GABRB1: variants seen among roughly 807,000 people sequenced by gnomAD.
GABRB1 encodes the protein gamma-aminobutyric acid receptor subunit beta-1.
GABRB1 carries 17 observed loss-of-function variants against 51.6 expected under a neutral mutation model. The observed-to-expected ratio is 0.33, with a 90% CI of 0.23 to 0.49. The LOEUF is 0.49. GABRB1 is among the 20% of genes least tolerant of loss of function. The pLI is 0.99. For missense variants in GABRB1, 410 were observed against 600.6 expected (o/e 0.68, Z 3.32); for synonymous variants, 247 against 218.9 (o/e 1.13, Z -1.14).
Position 47,217,207 on chromosome 4 carries a change from A to C in GABRB1, c.461+55738A>C, listed in dbSNP as rs541832085. 3.8e-4 allele frequency among the ~76,000 whole-genome samples: 58 copies of C among 152,034 alleles called. No homozygotes were observed. In the South Asian group the frequency reaches 5.6e-3, roughly 15 times the overall value. On this transcript the variant is annotated intron_variant, in intron 4 of 8. Transcript: ENST00000295454. Reference sequence around the variant, plus strand: ...AGCCACCAGTTCCAGAAATGGAAGAATAGCAATGTGATCTAGGTAGGCAGG... The same window carrying C: ...AGCCACCAGTTCCAGAAATGGAAGACTAGCAATGTGATCTAGGTAGGCAGG...
intron 1 of GABRB1, among the ~76,000 whole-genome samples, chr4:47,023,325 G>A (rs763425450): frequency 5.3e-5 from 8 of 152,050 alleles, no homozygotes; most frequent in South Asian, 2.1e-4. Context: ...CTTAAAGAGT[G>A]TTATTGGGCT....
At chr4:47,275,748 C>T (rs1332496898) in intron 4 of GABRB1, among the ~76,000 whole-genome samples, 1 of 152,090 alleles carries the variant, frequency 6.6e-6, no homozygotes. Flanking sequence ...ATTTGCCAGC[C>T]TCCCAGAATC....
chr4:47,064,285 T>C (rs1726963662), intron 3 of GABRB1, among the ~76,000 whole-genome samples: 1 of 152,152 alleles, frequency 6.6e-6, no homozygotes, highest in Non-Finnish European at 1.5e-5. Context: ...TCTTGCCTAT[T>C]TTAACTAAAG....
intron 3 of GABRB1, among the ~76,000 whole-genome samples, chr4:47,074,995 C>T (rs1263081851): frequency 6.6e-6 from 1 of 152,128 alleles, no homozygotes; most frequent in Non-Finnish European, 1.5e-5. Flanking sequence ...GGAAGAGCTG[C>T]TTTTAGAGCA....
intron 4 of GABRB1, among the ~76,000 whole-genome samples, chr4:47,264,003 G>A (rs1714672815): frequency 6.6e-6 from 1 of 151,870 alleles, no homozygotes; most frequent in South Asian, 2.1e-4. Flanking sequence ...TCAGCCAGGT[G>A]TAGTGATACA....
chr4:47,137,614 C>T lies in GABRB1; in HGVS notation c.241-23635C>T, dbSNP rs541828258. Among the ~76,000 whole-genome samples, 7 of 152,190 alleles carry T rather than the reference C, an allele frequency of 4.6e-5. No homozygotes were observed. In the East Asian group the frequency reaches 1.2e-3, roughly 25 times the overall value. On this transcript the variant is annotated intron_variant, in intron 3 of 8. Transcript: ENST00000295454. ...TTCTCATCTACAATTACACAAAATT[C>T]ATTGCTGATAATGAGCAACCACAAC...
At chr4:47,371,304 A>G (rs1727185009) in intron 5 of GABRB1, among the ~76,000 whole-genome samples, 1 of 152,144 alleles carries the variant, frequency 6.6e-6, no homozygotes, top group African/African-American at 2.4e-5. Context: ...TCCATGGTGT[A>G]TATGTACCAC....
intron 1 of GABRB1, among the ~76,000 whole-genome samples, chr4:47,013,833 G>T (rs932125852): frequency 2.0e-5 from 3 of 152,146 alleles, no homozygotes; most frequent in Non-Finnish European, 1.5e-5. Flanking sequence ...AGAAGGAAGA[G>T]AACAAATTTA....
At chr4:47,077,302 TC>T in intron 3 of GABRB1, among the ~76,000 whole-genome samples, 1 of 152,332 alleles carries the variant, frequency 6.6e-6, no homozygotes, top group East Asian at 1.9e-4. Context: ...GAGCTAGATT[TC>T]TTTTTGAATA....
chr4:47,010,947 C>A (rs1173412237), intron 1 of GABRB1, among the ~76,000 whole-genome samples: 1 of 152,020 alleles, frequency 6.6e-6, no homozygotes, highest in Non-Finnish European at 1.5e-5. Flanking sequence ...GATTTTTGAA[C>A]CTGACACTTT....
intron 3 of GABRB1, among the ~76,000 whole-genome samples, chr4:47,150,951 A>G (rs1019579102): frequency 4.5e-4 from 68 of 151,974 alleles, no homozygotes; most frequent in African/African-American, 1.5e-3. Context: ...TGGTATACAG[A>G]AGACAGAGAA....
rs187710164 is a variant in GABRB1 at position 47,241,626 on chromosome 4, A to G, written c.462-78501A>G. ...AACAAACTTCTCCTTCATAAAGGGC[A>G]TATAACCATCCCCATAGGGAAAGCA... On this transcript the variant is annotated intron_variant, in intron 4 of 8. Coordinates refer to ENST00000295454, the MANE Select transcript of GABRB1 (RefSeq NM_000812.4). Among the ~76,000 whole-genome samples the G allele has an allele frequency of 2.0e-4, 31 of 152,342 alleles. No homozygotes were observed. In the East Asian group the frequency reaches 5.8e-3, roughly 28 times the overall value.
chr4:47,332,059 G>A lies in GABRB1; in HGVS notation c.544+11850G>A, dbSNP rs1031637164. On this transcript the variant is annotated intron_variant, in intron 5 of 8. Transcript: ENST00000295454. ...CAGGAAGCAAACACCTGAGAAGAAA[G>A]CACATTTTAATTGGTCCTTCTCTCT... Among the ~76,000 whole-genome samples the A allele has an allele frequency of 2.0e-5, 3 of 152,208 alleles. 1 individual carries two copies. Among genetic ancestry groups the A allele is most frequent in the Admixed American group, 6.6e-5 (1 of 15,262 alleles).
intron 4 of GABRB1, among the ~76,000 whole-genome samples, chr4:47,254,870 G>A (rs567186295): frequency 6.6e-6 from 1 of 152,172 alleles, no homozygotes; most frequent in South Asian, 2.1e-4. Flanking sequence ...ATTATTTGTA[G>A]CAAACTTCAC....
intron 4 of GABRB1, among the ~76,000 whole-genome samples, chr4:47,303,270 AT>A (rs1301348313): frequency 6.6e-6 from 1 of 151,936 alleles, no homozygotes; most frequent in African/African-American, 2.4e-5. Flanking sequence ...ACAAATGGAA[AT>A]AAACATGAAT....
At chr4:47,368,667 T>C (rs1189191732) in intron 5 of GABRB1, among the ~76,000 whole-genome samples, 2 of 152,146 alleles carry the variant, frequency 1.3e-5, no homozygotes, top group Non-Finnish European at 2.9e-5. Flanking sequence ...TTTTCCCTCA[T>C]ACTTTAACCT....
At chr4:47,349,718 GA>G (rs1726237110) in intron 5 of GABRB1, among the ~76,000 whole-genome samples, 1 of 152,088 alleles carries the variant, frequency 6.6e-6, no homozygotes, top group Non-Finnish European at 1.5e-5. Flanking sequence ...GCTCTGATCT[GA>G]AAAAAATACA....
At chr4:47,321,698 G>T (rs1351500608) in intron 5 of GABRB1, among the ~76,000 whole-genome samples, 1 of 152,180 alleles carries the variant, frequency 6.6e-6, no homozygotes, top group African/African-American at 2.4e-5. Flanking sequence ...AACTGATATA[G>T]AAAGAGAAGG....
intron 3 of GABRB1, among the ~76,000 whole-genome samples, chr4:47,139,294 A>G (rs1027368906): frequency 1.3e-5 from 2 of 152,070 alleles, no homozygotes; most frequent in Non-Finnish European, 2.9e-5. Flanking sequence ...GCATACACAT[A>G]ACAAAGGCCT....
Sources: allele counts gnomAD v4.1 joint callset (sites outside exome capture counted in the v4.1 genomes callset), GRCh38; gene constraint gnomAD v4.1.1; transcripts MANE v1.5; gene names NCBI Gene and HGNC (gene_info 2026-07-23, HGNC 2026-07-21).